Variants in ROBO1 observed in about 807,000 individuals in gnomAD.
ROBO1 encodes the protein roundabout guidance receptor 1.
Under a neutral mutation model 195.9 loss-of-function variants are expected in ROBO1, and 149 were observed. The observed-to-expected ratio is 0.76, with a 90% CI of 0.67 to 0.87. ROBO1 has a LOEUF of 0.87. Ranked by LOEUF, ROBO1 falls within the 40% of genes least tolerant of loss-of-function variation. The pLI is 0.00. For synonymous variants in ROBO1, 816 were observed against 733.2 expected (o/e 1.11, Z -1.82); for missense variants, 1,933 against 2,068.3 (o/e 0.93, Z 1.27).
chr3:78,991,465 T>C (rs2077235627), intron 3 of ROBO1, among the ~76,000 whole-genome samples: 1 of 152,178 alleles, frequency 6.6e-6, no homozygotes, highest in African/African-American at 2.4e-5. Context: ...CTTTCACTTG[T>C]CATCCCCTCC....
At chr3:78,909,280 A>G (rs1369683983) in intron 4 of ROBO1, among the ~76,000 whole-genome samples, 3 of 151,884 alleles carry the variant, frequency 2.0e-5, no homozygotes, top group African/African-American at 4.8e-5. Flanking sequence ...TAAAATTGTT[A>G]CAAAATAAAA....
At chr3:79,052,880 T>G (rs2078730338) in intron 3 of ROBO1, among the ~76,000 whole-genome samples, 2 of 152,042 alleles carry the variant, frequency 1.3e-5, no homozygotes, top group Admixed American at 1.3e-4. Context: ...GAGTAGTCTG[T>G]GTATGGTCCG....
intron 1 of ROBO1, among the ~76,000 whole-genome samples, chr3:79,618,192 T>G (rs1944887128): frequency 6.6e-6 from 1 of 152,024 alleles, no homozygotes; most frequent in Non-Finnish European, 1.5e-5. Flanking sequence ...AGGTAAAAAG[T>G]CAGGAAAACA....
chr3:79,007,901 G>T (rs917028702), intron 3 of ROBO1, among the ~76,000 whole-genome samples: 1 of 152,140 alleles, frequency 6.6e-6, no homozygotes, highest in African/African-American at 2.4e-5. Flanking sequence ...GTGACTGAAA[G>T]AATGAATGAG....
intron 2 of ROBO1, among the ~76,000 whole-genome samples, chr3:79,264,986 C>T (rs1391562850): frequency 2.6e-5 from 4 of 151,804 alleles, no homozygotes; most frequent in Non-Finnish European, 4.4e-5. Flanking sequence ...ATGTCAGCAG[C>T]GGCTGGAGGA....
chr3:78,901,485 T>C (rs898175194), intron 4 of ROBO1, among the ~76,000 whole-genome samples: 2 of 152,210 alleles, frequency 1.3e-5, no homozygotes, highest in Non-Finnish European at 2.9e-5. Flanking sequence ...ATGTACAATA[T>C]TAAAACTTAT....
intron 3 of ROBO1, among the ~76,000 whole-genome samples, chr3:78,950,371 T>G (rs950466773): frequency 2.6e-5 from 4 of 151,652 alleles, no homozygotes; most frequent in Non-Finnish European, 5.9e-5. Context: ...GGGACATGGA[T>G]GAAACTGGAA....
At chr3:79,463,636 C>T (rs1190269332) in intron 2 of ROBO1, among the ~76,000 whole-genome samples, 4 of 151,992 alleles carry the variant, frequency 2.6e-5, no homozygotes, top group East Asian at 1.9e-4. Context: ...ATCTGCTAAC[C>T]GAAAAAGATG....
At chr3:78,870,256 A>G (rs1341003113) in intron 4 of ROBO1, among the ~76,000 whole-genome samples, 1 of 152,164 alleles carries the variant, frequency 6.6e-6, no homozygotes, top group East Asian at 1.9e-4. Context: ...CCATTTGCCT[A>G]AAAGTGACAG....
intron 4 of ROBO1, among the ~76,000 whole-genome samples, chr3:78,909,240 T>G (rs2107526000): frequency 6.6e-6 from 1 of 151,862 alleles, no homozygotes; most frequent in African/African-American, 2.4e-5. Context: ...ATATTCTTCT[T>G]TAAACAGAAA....
At chr3:78,897,175 CA>C (rs1177769276) in intron 4 of ROBO1, among the ~76,000 whole-genome samples, 2 of 152,146 alleles carry the variant, frequency 1.3e-5, no homozygotes, top group East Asian at 3.9e-4. Flanking sequence ...ACCAGTGATT[CA>C]AAAACTTGGC....
At chr3:79,312,502 T>C (rs1333828251) in intron 2 of ROBO1, among the ~76,000 whole-genome samples, 2 of 152,208 alleles carry the variant, frequency 1.3e-5, no homozygotes, top group Non-Finnish European at 1.5e-5. Flanking sequence ...TGAATAAATA[T>C]ATGAATGAAG....
rs543011461 is a variant in ROBO1 at position 79,386,538 on chromosome 3, A to G, written c.88+203286T>C. ...CAGTTATTGTGCTAAATGCAAGACA[A>G]TGAAAGATGACTGAGGGATGCTTGT... On this transcript the variant is annotated intron_variant, in intron 2 of 30. Transcript: ENST00000464233. Among the ~76,000 whole-genome samples, 11 of 152,238 alleles carry G rather than the reference A, an allele frequency of 7.2e-5. No individual in the cohort carries two copies. The East Asian group carries it at 1.9e-3, about 27-fold the overall frequency.
intron 2 of ROBO1, among the ~76,000 whole-genome samples, chr3:79,445,459 T>G (rs919561191): frequency 1.3e-5 from 2 of 151,520 alleles, no homozygotes; most frequent in Admixed American, 6.6e-5. Context: ...CTGTATTTTT[T>G]TTGGTAAACA....
At chr3:79,394,405 A>C (rs2106732818) in intron 2 of ROBO1, among the ~76,000 whole-genome samples, 1 of 152,188 alleles carries the variant, frequency 6.6e-6, no homozygotes, top group African/African-American at 2.4e-5. Context: ...AATAAAGTAA[A>C]TTGAATTTAA....
intron 10 of ROBO1, among the ~76,000 whole-genome samples, chr3:78,671,170 A>T (rs1166906433): frequency 6.6e-6 from 1 of 152,182 alleles, no homozygotes; most frequent in Non-Finnish European, 1.5e-5. Context: ...CTAAAATCTA[A>T]AAACTTTATC....
intron 3 of ROBO1, among the ~76,000 whole-genome samples, chr3:79,056,542 A>G (rs1396958670): frequency 2.0e-5 from 3 of 152,102 alleles, no homozygotes; most frequent in Admixed American, 6.6e-5. Flanking sequence ...GATTCTTTGA[A>G]AACTTTAAAG....
chr3:79,101,758 T>C (rs1421717902), intron 3 of ROBO1, among the ~76,000 whole-genome samples: 7 of 151,922 alleles, frequency 4.6e-5, no homozygotes, highest in East Asian at 3.9e-4. Context: ...GCTGTACAAA[T>C]ACAAAAAATA....
At chr3:78,847,213 A>G (rs946322472) in intron 4 of ROBO1, among the ~76,000 whole-genome samples, 3 of 152,178 alleles carry the variant, frequency 2.0e-5, no homozygotes, top group African/African-American at 7.2e-5. Flanking sequence ...ATGAAATCAT[A>G]TGGAGGATGG....
Sources: allele counts gnomAD v4.1 joint callset (sites outside exome capture counted in the v4.1 genomes callset), GRCh38; gene constraint gnomAD v4.1.1; transcripts MANE v1.5; gene names NCBI Gene and HGNC (gene_info 2026-07-23, HGNC 2026-07-21).